DPYD: variants seen among roughly 807,000 people sequenced by gnomAD.
DPYD encodes dihydropyrimidine dehydrogenase, also known as dihydropyrimidine dehydrogenase [NADP(+)].
DPYD carries 109 observed loss-of-function variants against 116.2 expected under a neutral mutation model. The observed-to-expected ratio is 0.94, with a 90% confidence interval of 0.80 to 1.10. The LOEUF (loss-of-function observed/expected upper bound fraction) is 1.10. Ranked by LOEUF, DPYD falls within the 50% of genes least tolerant of loss-of-function variation. DPYD has a pLI of 0.00. For missense variants in DPYD, 1,302 were observed against 1,254.5 expected (o/e 1.04, Z -0.57); for synonymous variants, 440 against 432.0 (o/e 1.02, Z -0.23).
intron 8 of DPYD, among the ~76,000 whole-genome samples, chr1:97,615,878 T>C (rs1656236314): frequency 6.6e-6 from 1 of 152,134 alleles, no homozygotes; most frequent in African/African-American, 2.4e-5. Context: ...GTGCACTGAA[T>C]ACAACATTCC....
chr1:97,212,172 C>T (rs530355784), intron 19 of DPYD, among the ~76,000 whole-genome samples: 47 of 152,168 alleles, frequency 3.1e-4, no homozygotes, highest in African/African-American at 1.1e-3. Context: ...CCTGGTTTTA[C>T]GATATTCCAA....
In DPYD at chr1:97,883,337, G is replaced by C; in HGVS notation, c.77C>G (p.Ala26Gly). Reference protein sequence around the residue: ...LALNPRTQTHATLCSTSAKKL... With the variant: ...LALNPRTQTHGTLCSTSAKKL... ...CTTGGCCGAAGTGGAACACAGAGTT[G>C]CATGAGTTTGTGTTCGAGGATTTAA... Residue 26 changes from alanine to glycine, a missense_variant, in exon 2 of 23, where the codon GCA becomes GGA. Ala to Gly is a moderately conservative substitution (Grantham distance 60). Coordinates refer to ENST00000370192, the MANE Select transcript of DPYD (RefSeq NM_000110.4). 2 of 1,612,484 alleles carry C rather than the reference G, an allele frequency of 1.2e-6. No homozygotes were observed. Among genetic ancestry groups the C allele is most frequent in the Non-Finnish European group, 1.7e-6 (2 of 1,178,832 alleles).
intron 1 of DPYD, among the ~76,000 whole-genome samples, chr1:97,895,621 G>C (rs182360437): frequency 1.5e-4 from 22 of 151,712 alleles, no homozygotes; most frequent in Admixed American, 9.2e-4. Context: ...ATTAATTGAA[G>C]GATTATCATA....
intron 20 of DPYD, among the ~76,000 whole-genome samples, chr1:97,156,877 A>G (rs1461579566): frequency 2.0e-5 from 3 of 152,060 alleles, no homozygotes; most frequent in African/African-American, 7.2e-5. Context: ...CAAATGTCCA[A>G]CAATGATAGA....
At chr1:97,614,427 C>G (rs1656142968) in intron 8 of DPYD, among the ~76,000 whole-genome samples, 1 of 151,986 alleles carries the variant, frequency 6.6e-6, no homozygotes, top group Non-Finnish European at 1.5e-5. Context: ...ATTTCCCCCA[C>G]AAGTTTGACA....
chr1:97,540,782 G>T (rs1162592193), intron 12 of DPYD, among the ~76,000 whole-genome samples: 2 of 152,120 alleles, frequency 1.3e-5, no homozygotes, highest in Non-Finnish European at 2.9e-5. Flanking sequence ...TCCTTCTGGT[G>T]ACTAGCCCCT....
At chr1:97,688,154 T>A (rs1022655395) in intron 7 of DPYD, among the ~76,000 whole-genome samples, 1 of 151,934 alleles carries the variant, frequency 6.6e-6, no homozygotes, top group South Asian at 2.1e-4. Flanking sequence ...AAACTAAATT[T>A]AAAAAAGAGA....
intron 10 of DPYD, among the ~76,000 whole-genome samples, chr1:97,584,986 G>T (rs1462404782): frequency 6.7e-6 from 1 of 149,394 alleles, no homozygotes. Flanking sequence ...AAAATAAAAT[G>T]TGTACTTATT....
Position 97,504,165 on chromosome 1 carries a change from C to T in DPYD, c.1740+11561G>A, listed in dbSNP as rs748131828. ...CACTGTCATCCCAAATCCTGAGAGA[C>T]AGCTTTTAAAAGGGACCCTTCAGAG... On this transcript the variant is annotated intron_variant, in intron 13 of 22. Coordinates refer to ENST00000370192, the MANE Select transcript of DPYD (RefSeq NM_000110.4). Among the ~76,000 whole-genome samples the T allele has an allele frequency of 3.3e-5, 5 of 152,000 alleles. No individual in the cohort carries two copies. In the East Asian group the frequency reaches 9.7e-4, roughly 30 times the overall value.
At chr1:97,773,886 G>A (rs1666267342) in intron 3 of DPYD, among the ~76,000 whole-genome samples, 1 of 152,070 alleles carries the variant, frequency 6.6e-6, no homozygotes, top group Non-Finnish European at 1.5e-5. Flanking sequence ...GATTTTTTCA[G>A]TACACTAAGG....
chr1:97,902,025 A>G (rs945447986), intron 1 of DPYD, among the ~76,000 whole-genome samples: 3 of 151,842 alleles, frequency 2.0e-5, no homozygotes, highest in Non-Finnish European at 2.9e-5. Context: ...TTCTCTGCTT[A>G]TATGCCTGTC....
At chr1:97,586,967 T>A (rs1046215990) in intron 10 of DPYD, among the ~76,000 whole-genome samples, 1 of 152,176 alleles carries the variant, frequency 6.6e-6, no homozygotes. Flanking sequence ...TTTCTCTGAA[T>A]GTTAAAAATA....
At chr1:97,174,771 T>C (rs1031339989) in intron 20 of DPYD, among the ~76,000 whole-genome samples, 3 of 152,174 alleles carry the variant, frequency 2.0e-5, no homozygotes, top group African/African-American at 7.2e-5. Flanking sequence ...AAATTAACAA[T>C]GTATTTATAA....
chr1:97,389,825 AT>A (rs1227658647), intron 14 of DPYD, among the ~76,000 whole-genome samples: 1 of 151,326 alleles, frequency 6.6e-6, no homozygotes, highest in African/African-American at 2.4e-5. Context: ...TCTAAAAGGT[AT>A]CTCAAAGGTG....
At chr1:97,227,855 AAAT>A (rs1192917920) in intron 19 of DPYD, among the ~76,000 whole-genome samples, 1 of 151,972 alleles carries the variant, frequency 6.6e-6, no homozygotes, top group Non-Finnish European at 1.5e-5. Context: ...AAATAAATAA[AAAT>A]AAACTGTGAG....
intron 19 of DPYD, among the ~76,000 whole-genome samples, chr1:97,207,783 T>C (rs1659745741): frequency 6.6e-6 from 1 of 152,294 alleles, no homozygotes; most frequent in Middle Eastern, 3.4e-3. Context: ...GACTCTCTTA[T>C]CTAATTTTTT....
At chr1:97,781,160 A>G (rs1666722031) in intron 3 of DPYD, among the ~76,000 whole-genome samples, 1 of 152,232 alleles carries the variant, frequency 6.6e-6, no homozygotes, top group South Asian at 2.1e-4. Flanking sequence ...TATCTTCATT[A>G]TAGAGTTCTA....
chr1:97,250,586 A>G (rs1331769526), intron 18 of DPYD, among the ~76,000 whole-genome samples: 1 of 152,220 alleles, frequency 6.6e-6, no homozygotes, highest in Non-Finnish European at 1.5e-5. Flanking sequence ...GTATGTGACA[A>G]TATTATTTTA....
At chr1:97,269,239 C>T (rs184100094) in intron 18 of DPYD, among the ~76,000 whole-genome samples, 1 of 152,240 alleles carries the variant, frequency 6.6e-6, no homozygotes, top group East Asian at 1.9e-4. Flanking sequence ...CAGAATGCCC[C>T]TTACCATCCA....
Sources: gnomAD v4.1 joint callset for allele counts (sites outside exome capture counted in the v4.1 genomes callset) on GRCh38, gnomAD v4.1.1 for gene constraint, MANE v1.5 for transcripts, NCBI Gene and HGNC (gene_info 2026-07-23, HGNC 2026-07-21) for gene names.